ANKRD18B: variants seen among roughly 807,000 people sequenced by gnomAD.
ANKRD18B encodes the protein ankyrin repeat domain 18B.
Under a neutral mutation model 111.8 loss-of-function variants are expected in ANKRD18B, and 75 were observed. The observed-to-expected ratio is 0.67, with a 90% CI of 0.56 to 0.81. The LOEUF (loss-of-function observed/expected upper bound fraction) is 0.81, where lower values mean the gene tolerates loss of function less well. ANKRD18B is among the 40% of genes least tolerant of loss of function. The pLI is 0.00. For synonymous variants in ANKRD18B, 356 were observed against 417.3 expected (o/e 0.85, Z 1.79); for missense variants, 1,038 against 1,225.5 (o/e 0.85, Z 2.28).
chr9:33,538,320 G>A (rs1428469252), intron 6 of ANKRD18B, among the ~76,000 whole-genome samples: 1 of 152,160 alleles, frequency 6.6e-6, no homozygotes, highest in Non-Finnish European at 1.5e-5. Flanking sequence ...TACAAACAAG[G>A]TCTATTTTTA....
At position 33,558,257 on chromosome 9, in the gene ANKRD18B, T is replaced by C. The variant is rs912569624; in HGVS notation, c.2460+70T>C. On this transcript the variant is annotated intron_variant, in intron 14 of 18. Coordinates refer to ENST00000684830, the MANE Select transcript of ANKRD18B (RefSeq NM_001393611.1). ...GTGTGAGAGGTACAGGTTTGTTACA[T>C]AGGTAAATGTGTGCCATGATGGTTT... The C allele has an allele frequency of 2.8e-5, 41 of 1,490,836 alleles. No individual in the cohort carries two copies. In the African/African-American group the frequency reaches 5.2e-4, roughly 19 times the overall value. 92.4% of individuals were successfully genotyped at this position (1,490,836 alleles called of 1,614,324 possible). A position where few individuals can be genotyped will look rare whatever the true frequency, so the allele number is the denominator to read the frequency against.
At position 33,547,969 on chromosome 9, in the gene ANKRD18B, A is replaced by C. The variant is rs2118056304; in HGVS notation, c.1181A>C (p.Glu394Ala). Residue 394 changes from glutamate (E) to alanine (A), a missense_variant, in exon 11 of 19, where the codon GAG (glutamate) becomes GCG (alanine). Around this residue, in one of 4 missense-constraint regions of ANKRD18B, gnomAD observed 205 missense variants for 201.3 expected, o/e 1.02. Coordinates refer to ENST00000684830, the MANE Select transcript of ANKRD18B (RefSeq NM_001393611.1). Reference sequence around the variant, plus strand: ...CAAAGTTATGGAAAAAAGAAGGATGAGATGTTTGGAAATTTTATGTTGAAG... The same window carrying C: ...CAAAGTTATGGAAAAAAGAAGGATGCGATGTTTGGAAATTTTATGTTGAAG... ...DSQSYGKKKD[E>A]MFGNFMLKRD... The C allele has an allele frequency of 6.9e-7, 1 of 1,453,560 alleles. No individual in the cohort carries two copies. The highest frequency in any genetic ancestry group is 1.5e-5 in the South Asian group (1 of 66,134). The allele number at this position is 1,453,560 out of a possible 1,614,324, so 90.0% of individuals were successfully genotyped here.
intron 9 of ANKRD18B, among the ~76,000 whole-genome samples, chr9:33,541,791 A>T (rs1238699181): frequency 1.1e-4 from 17 of 152,300 alleles, no homozygotes; most frequent in African/African-American, 3.1e-4. Flanking sequence ...TTTGCTTTTT[A>T]AAAAAATTTA....
intron 13 of ANKRD18B, 75 bp from the exon 14 acceptor site, chr9:33,557,983 A>G (rs1194348594): frequency 1.5e-6 from 2 of 1,318,038 alleles, no homozygotes; most frequent in Non-Finnish European, 2.1e-6. Flanking sequence ...ATGCCATAAC[A>G]TAGTATCTGT....
intron 3 of ANKRD18B, among the ~76,000 whole-genome samples, chr9:33,531,050 T>C (rs1376229662): frequency 6.6e-6 from 1 of 152,236 alleles, no homozygotes; most frequent in African/African-American, 2.4e-5. Flanking sequence ...TATAGAGCTT[T>C]GGCATTATCG....
Position 33,548,644 on chromosome 9 carries a change from A to G in ANKRD18B, c.1856A>G (p.Gln619Arg). 1 of 1,551,392 alleles carries G rather than the reference A, an allele frequency of 6.4e-7. No individual in the cohort carries two copies. The highest frequency in any genetic ancestry group is 1.7e-4 in the Middle Eastern group (1 of 5,980). The change falls in exon 11 of 19, where the codon CAA becomes CGA. Residue 619 changes from glutamine (Q) to arginine (R), a missense_variant. This residue lies in a region of ANKRD18B where 524 missense variants were observed against 677.9 expected (regional missense o/e 0.77). Coordinates refer to ENST00000684830, the MANE Select transcript of ANKRD18B (RefSeq NM_001393611.1). ...KQNSSEERIR[Q>R]RELENLLLER... ...AACTCTTCAGAGGAGAGAATACGTC[A>G]ACGAGAACTTGAAAATCTCTTGCTT...
chr9:33,533,540 C>G lies in ANKRD18B; in HGVS notation c.597C>G (p.Phe199Leu), dbSNP rs1199451552. 6 of 1,531,080 alleles carry G rather than the reference C, an allele frequency of 3.9e-6. No homozygotes were observed. Among genetic ancestry groups the G allele is most frequent in the Non-Finnish European group, 5.3e-6 (6 of 1,140,984 alleles). The allele number at this position is 1,531,080 out of a possible 1,614,324, so 94.8% of individuals were successfully genotyped here. A position where few individuals can be genotyped will look rare whatever the true frequency, so the allele number is the denominator to read the frequency against. The stretch of plus-strand genomic sequence containing the variant: ...CAAATATACATGCCGTTGACAATTT[C>G]AAAAGGTGCAATAGTTTTTGTTTTC... ...NQANIHAVDNFKRTALILAVQ... is the reference protein window; with the variant it reads ...NQANIHAVDNLKRTALILAVQ... Residue 199 changes from phenylalanine (F) to leucine (L), a missense_variant, in exon 4 of 19, where the codon TTC (phenylalanine) becomes TTG (leucine). Physicochemically the swap from Phe to Leu is conservative, Grantham distance 22. This residue lies in a region of ANKRD18B where 93 missense variants were observed against 141.3 expected (regional missense o/e 0.66). Transcript: ENST00000684830.
intron 18 of ANKRD18B, chr9:33,572,008 G>A (rs1828787020): frequency 3.1e-6 from 1 of 323,988 alleles, no homozygotes; most frequent in East Asian, 6.6e-5. Flanking sequence ...GGTCTTTTAG[G>A]TTATAGCATA....
chr9:33,555,654 A>T, intron 12 of ANKRD18B, 54 bp from the exon 13 acceptor site: 11 of 1,181,754 alleles, frequency 9.3e-6, no homozygotes, highest in Non-Finnish European at 1.2e-5. Context: ...TATTTTTAAG[A>T]TAGAAGAGGG....
intron 17 of ANKRD18B, 29 bp from the exon 18 acceptor site, chr9:33,571,217 A>G (rs1828770624): frequency 1.2e-6 from 1 of 837,020 alleles, no homozygotes; most frequent in African/African-American, 2.1e-5. Context: ...CTTAAACATT[A>G]TTATTATTTT....
intron 14 of ANKRD18B, among the ~76,000 whole-genome samples, chr9:33,565,598 G>A (rs1321939735): frequency 6.6e-6 from 1 of 152,010 alleles, no homozygotes; most frequent in East Asian, 1.9e-4. Flanking sequence ...CAACTAGCTG[G>A]GTCTACAGGC....
At chr9:33,559,597 AG>A (rs1464114199) in intron 14 of ANKRD18B, among the ~76,000 whole-genome samples, 2 of 152,162 alleles carry the variant, frequency 1.3e-5, no homozygotes, top group Non-Finnish European at 2.9e-5. Flanking sequence ...CAGTGCTTTA[AG>A]CAGTGACAGA....
intron 3 of ANKRD18B, among the ~76,000 whole-genome samples, chr9:33,531,275 T>G (rs1828112603): frequency 6.6e-6 from 1 of 152,148 alleles, no homozygotes. Flanking sequence ...TATGTATATA[T>G]CAGGGCCTGA....
intron 12 of ANKRD18B, among the ~76,000 whole-genome samples, chr9:33,554,120 T>G (rs768617412): frequency 1.0e-5 from 1 of 96,766 alleles, no homozygotes; most frequent in Non-Finnish European, 2.2e-5. Context: ...CAAAATATAC[T>G]GGCCCAAAAA....
At chr9:33,549,250 C>G (rs1828413369) in intron 11 of ANKRD18B, among the ~76,000 whole-genome samples, 1 of 152,150 alleles carries the variant, frequency 6.6e-6, no homozygotes, top group Non-Finnish European at 1.5e-5. Context: ...TTCAACGAAG[C>G]TGTTTTAGTA....
At chr9:33,539,538 G>A (rs1433287341) in intron 7 of ANKRD18B, 36 bp downstream of exon 7, 1 of 154,614 alleles carries the variant, frequency 6.5e-6, no homozygotes, top group African/African-American at 2.4e-5. Flanking sequence ...GAGTTTATGA[G>A]CAGTTCAAAT....
chr9:33,574,981 T>G (rs1026002608), downstream of ANKRD18B, among the ~76,000 whole-genome samples: 4 of 152,266 alleles, frequency 2.6e-5, no homozygotes, highest in Admixed American at 1.3e-4. Context: ...CTAGGTGAGA[T>G]GCACATCTCA....
At chr9:33,559,995 C>A (rs1370896194) in intron 14 of ANKRD18B, among the ~76,000 whole-genome samples, 8 of 152,208 alleles carry the variant, frequency 5.3e-5, no homozygotes, top group Non-Finnish European at 7.3e-5. Context: ...GAACCACCCA[C>A]CTTCTTCGTA....
intron 13 of ANKRD18B, among the ~76,000 whole-genome samples, chr9:33,556,697 TTCA>T (rs202208631): frequency 0.058 from 8,882 of 152,260 alleles, 295 homozygotes; most frequent in South Asian, 0.099. Flanking sequence ...TGTAATATTC[TTCA>T]CTGCTGCATT....
Sources: gnomAD v4.1 joint callset for allele counts (sites outside exome capture counted in the v4.1 genomes callset) on GRCh38, gnomAD v4.1.1 for gene constraint, gnomAD v4.1.1 regional missense constraint, MANE v1.5 for transcripts, NCBI Gene and HGNC (gene_info 2026-07-23, HGNC 2026-07-21) for gene names.